Variants in EMC3 observed in about 807,000 individuals in gnomAD.
The protein encoded by EMC3 is 30 kDa protein.
In EMC3, 13 loss-of-function variants were observed where a neutral mutation model predicts 36.6. The observed-to-expected ratio is 0.35, with a 90% confidence interval of 0.23 to 0.56. The LOEUF is 0.56. Among genes scored for constraint, EMC3 ranks in the 20% least tolerant of loss-of-function variants. EMC3 has a pLI of 0.84. For missense variants in EMC3, 220 were observed against 324.5 expected (o/e 0.68, Z 2.47); for synonymous variants, 120 against 111.9 (o/e 1.07, Z -0.46).
chr3:10,001,321 G>C (rs904055966), intron 1 of EMC3, among the ~76,000 whole-genome samples: 7 of 151,594 alleles, frequency 4.6e-5, no homozygotes, highest in African/African-American at 1.5e-4. Flanking sequence ...CAGCACTTTG[G>C]GGGGCCGAGG....
chr3:10,011,072 G>A (rs1159421462), exon 1 of EMC3: 1 of 152,448 alleles, frequency 6.6e-6, no homozygotes, highest in Non-Finnish European at 1.5e-5. Flanking sequence ...GGAGCCGCGG[G>A]ACCCGCAGAG....
intron 1 of EMC3, among the ~76,000 whole-genome samples, chr3:9,992,102 C>CT (rs906174393): frequency 5.4e-5 from 8 of 149,494 alleles, no homozygotes; most frequent in East Asian, 1.9e-4. Flanking sequence ...CTACCTTTTT[C>CT]TTTTTTTTTT....
chr3:9,973,944 G>A (rs1227014594), intron 4 of EMC3, among the ~76,000 whole-genome samples: 3 of 152,192 alleles, frequency 2.0e-5, no homozygotes, highest in African/African-American at 4.8e-5. Context: ...AAACTGAGCT[G>A]TGACCTGAAA....
At chr3:9,997,314 C>G (rs1441985864) in intron 1 of EMC3, among the ~76,000 whole-genome samples, 1 of 151,998 alleles carries the variant, frequency 6.6e-6, no homozygotes, top group East Asian at 1.9e-4. Flanking sequence ...TCGTGATCTA[C>G]CCGCCTCGCC....
chr3:9,996,105 C>T (rs959491390), intron 1 of EMC3, among the ~76,000 whole-genome samples: 1 of 152,110 alleles, frequency 6.6e-6, no homozygotes, highest in African/African-American at 2.4e-5. Context: ...GCCTTGTTTT[C>T]TAAGAAACAT....
At position 10,000,802 on chromosome 3, in the gene EMC3, G is replaced by C. The variant is rs1260343670; in HGVS notation, c.-242+10221C>G. The stretch of plus-strand genomic sequence containing the variant: ...GATGCCTTTGTTCTTATTGGTGTCT[G>C]TGTAAGAGAATCCAACAGCCTGACC... On this transcript the variant is annotated intron_variant, in intron 1 of 8. Transcript: ENST00000470827. 8.1e-6 allele frequency: 4 copies of C among 493,984 alleles called. No individual in the cohort carries two copies. In the Admixed American group the frequency reaches 8.2e-5, roughly 10 times the overall value. The allele number at this position is 493,984 out of a possible 1,614,324, so 30.6% of individuals were successfully genotyped here. A position where few individuals can be genotyped will look rare whatever the true frequency, so the allele number is the denominator to read the frequency against.
intron 1 of EMC3, among the ~76,000 whole-genome samples, chr3:10,001,532 T>G (rs1176157842): frequency 6.8e-6 from 1 of 147,728 alleles, no homozygotes; most frequent in Admixed American, 6.7e-5. Context: ...GAGCCGAGAT[T>G]GTGCCACTGC....
chr3:9,971,886 T>C (rs139807963), intron 5 of EMC3, among the ~76,000 whole-genome samples: 2 of 152,338 alleles, frequency 1.3e-5, no homozygotes, highest in East Asian at 3.9e-4. Context: ...CTCTTGTTTA[T>C]GCCAGTCTTT....
intron 1 of EMC3, among the ~76,000 whole-genome samples, chr3:9,979,131 CTACTT>C (rs2085882762): frequency 6.6e-6 from 1 of 152,172 alleles, no homozygotes; most frequent in South Asian, 2.1e-4. Context: ...ATACAGTTCT[CTACTT>C]TATCTACAGG....
intron 1 of EMC3, chr3:9,981,698 G>A (rs1468579597): frequency 2.4e-6 from 1 of 412,924 alleles, no homozygotes; most frequent in African/African-American, 2.1e-5. Flanking sequence ...GCCCCCCAAA[G>A]TGCTGGGATT....
chr3:9,968,590 G>A (rs1489307553), intron 7 of EMC3: 1 of 152,114 alleles, frequency 6.6e-6, no homozygotes, highest in Non-Finnish European at 1.5e-5. Flanking sequence ...TTTCACCATT[G>A]AGTATGATGT....
intron 1 of EMC3, chr3:10,004,452 C>T (rs1575706042): frequency 1.3e-5 from 2 of 152,336 alleles, no homozygotes; most frequent in Admixed American, 1.3e-4. Context: ...TTGGAACAAA[C>T]AAAACAGAAG....
intron 1 of EMC3, among the ~76,000 whole-genome samples, chr3:9,984,447 T>C (rs1412028354): frequency 2.0e-5 from 3 of 151,340 alleles, no homozygotes; most frequent in African/African-American, 7.3e-5. Flanking sequence ...TGAAGTGCAG[T>C]GGCGCGATCT....
At position 9,963,454 on chromosome 3, in the gene EMC3, G is replaced by GATAGATAGATATATATAT. The variant is rs756069988; in HGVS notation, c.*614_*615insATATATATATCTATCTAT. On this transcript the variant is annotated 3_prime_UTR_variant, in exon 8 of 8. Transcript: ENST00000245046. ...CGAAGACTGGGCTTCTGCTAAGATA[G>GATAGATAGATATATATAT]ATATATATATATATATATATATATT... 1.0e-5 allele frequency: 1 copy of GATAGATAGATATATATAT among 99,694 alleles called. No homozygotes were observed. The highest frequency in any genetic ancestry group is 2.5e-4 in the East Asian group (1 of 3,984). 6.2% of individuals were successfully genotyped at this position (99,694 alleles called of 1,614,324 possible). A position where few individuals can be genotyped will look rare whatever the true frequency, so the allele number is the denominator to read the frequency against.
chr3:9,973,888 T>C lies in EMC3; in HGVS notation c.413-179A>G, dbSNP rs1199422854. Among the ~76,000 whole-genome samples the C allele has an allele frequency of 2.0e-5, 3 of 152,162 alleles. No homozygotes were observed. In the East Asian group the frequency reaches 5.8e-4, roughly 29 times the overall value. ...GTCAAAATGCCACTCTGCTCTAGTT[T>C]CCCTGAATAATATCTGCCTCTAGCT... On this transcript the variant is annotated intron_variant, in intron 4 of 7. Transcript: ENST00000245046.
upstream of EMC3, chr3:9,987,006 G>A (rs113360519): frequency 0.09 from 96,191 of 1,071,858 alleles, 4,581 homozygotes; most frequent in Non-Finnish European, 0.098. Flanking sequence ...ACGAGGTCAG[G>A]GGATCGAGAC....
At chr3:9,988,614 A>C (rs1370487219), upstream of EMC3, 3 of 901,022 alleles carry the variant, frequency 3.3e-6, no homozygotes, top group Non-Finnish European at 5.5e-6. Context: ...CCATATGGAC[A>C]CATTGGCTCT....
rs549223728 is a variant in EMC3, at chr3:10,003,803, T to C, written c.-242+7220A>G. ...CACCCACGCAACCAATACACCACCA[T>C]GGCCTCATGAGGGAGGAGAAGGCCT... On this transcript the variant is annotated intron_variant, in intron 1 of 8. Coordinates refer to the EMC3 transcript ENST00000470827. The C allele has an allele frequency of 5.4e-4, 88 of 161,588 alleles. 1 individual carries two copies. Among genetic ancestry groups the C allele is most frequent in the South Asian group, 5.0e-3 (30 of 5,998 alleles). 10.0% of individuals were successfully genotyped at this position (161,588 alleles called of 1,614,324 possible).
chr3:9,972,725 G>A (rs945706780), intron 5 of EMC3, among the ~76,000 whole-genome samples: 10 of 150,790 alleles, frequency 6.6e-5, no homozygotes, highest in Non-Finnish European at 1.2e-4. Context: ...ATATCGCACC[G>A]CTGCACTCCA....
Sources: gnomAD v4.1 joint callset for allele counts (sites outside exome capture counted in the v4.1 genomes callset) on GRCh38, gnomAD v4.1.1 for gene constraint, MANE v1.5 for transcripts, NCBI Gene and HGNC (gene_info 2026-07-23, HGNC 2026-07-21) for gene names.